Variants in RGPD8 observed in about 807,000 individuals in gnomAD.
The protein encoded by RGPD8 is RANBP2-like and GRIP domain-containing protein 8.
In RGPD8, 15 loss-of-function variants were observed where a neutral mutation model predicts 89.1. The observed-to-expected ratio is 0.17, with a 90% CI of 0.11 to 0.26. The LOEUF (loss-of-function observed/expected upper bound fraction) is 0.26, where lower values mean the gene tolerates loss of function less well. Among genes scored for constraint, RGPD8 ranks in the 10% least tolerant of loss-of-function variants. The pLI is 1.00. For synonymous variants in RGPD8, 62 were observed against 420.9 expected (o/e 0.15, Z 10.44); for missense variants, 178 against 1,179.6 (o/e 0.15, Z 12.44).
At chr2:112,425,954 T>C (rs951081226) in intron 1 of RGPD8, among the ~76,000 whole-genome samples, 2 of 152,078 alleles carry the variant, frequency 1.3e-5, no homozygotes, top group Admixed American at 1.3e-4. Flanking sequence ...ATTTAATGTC[T>C]TGTCCATCTC....
In RGPD8 at chr2:112,433,478, A is replaced by G. The variant is rs748097904; in HGVS notation, c.-25T>C. The G allele has an allele frequency of 1.2e-6, 2 of 1,602,714 alleles. No homozygotes were observed. Among genetic ancestry groups the G allele is most frequent in the Non-Finnish European group, 1.7e-6 (2 of 1,175,782 alleles). The stretch of plus-strand genomic sequence containing the variant: ...TCGCGCCGCCAACCTGGCTCCCGAG[A>G]CGCGTGCGAGCACCGCTCAGCCCCG... On this transcript the variant is annotated 5_prime_UTR_variant, in exon 1 of 23. Transcript: ENST00000302558.
chr2:112,427,273 C>A (rs915324459), intron 1 of RGPD8, among the ~76,000 whole-genome samples: 3 of 151,960 alleles, frequency 2.0e-5, no homozygotes, highest in Non-Finnish European at 2.9e-5. Context: ...GATAATTAAA[C>A]AACTTTACAA....
At chr2:112,402,495 C>CCAGAAAAGAAAAGAAAAGAAAAGAA (rs1553503524) in intron 9 of RGPD8, among the ~76,000 whole-genome samples, 1 of 147,012 alleles carries the variant, frequency 6.8e-6, no homozygotes, top group Non-Finnish European at 1.5e-5. Flanking sequence ...GTCTCAAAAA[C>CCAGAAAAGAAAAGAAAAGAAAAGAA]AAGAAAAGAA....
chr2:112,417,588 GA>G (rs1397322453), intron 5 of RGPD8, 95 bp downstream of exon 5: 1 of 492,122 alleles, frequency 2.0e-6, no homozygotes, highest in Non-Finnish European at 3.3e-6. Context: ...ATAAATAAAA[GA>G]AATTTAAGTC....
At chr2:112,420,130 A>G (rs1464875106) in intron 4 of RGPD8, among the ~76,000 whole-genome samples, 1 of 142,506 alleles carries the variant, frequency 7.0e-6, no homozygotes, top group Non-Finnish European at 1.5e-5. Context: ...AGGTAGCACC[A>G]CTGCACTCCA....
At chr2:112,429,665 C>A (rs1374480296) in intron 1 of RGPD8, among the ~76,000 whole-genome samples, 134 of 151,926 alleles carry the variant, frequency 8.8e-4, no homozygotes, top group Non-Finnish European at 1.5e-3. Context: ...TTCTAAAAAA[C>A]AAATAAATAA....
intron 1 of RGPD8, 66 bp downstream of exon 1, chr2:112,433,316 G>GCCC (rs1426700270): frequency 2.0e-6 from 3 of 1,479,982 alleles, no homozygotes; most frequent in Non-Finnish European, 2.7e-6. Flanking sequence ...GGCCGCCGCC[G>GCCC]GGCCGGGTCG....
chr2:112,424,712 G>A (rs1199447406), intron 1 of RGPD8, among the ~76,000 whole-genome samples: 1 of 151,750 alleles, frequency 6.6e-6, no homozygotes, highest in Non-Finnish European at 1.5e-5. Flanking sequence ...CTCCAGCCTG[G>A]GCGACAGAGA....
At chr2:112,426,880 C>T (rs1471326126) in intron 1 of RGPD8, among the ~76,000 whole-genome samples, 1 of 142,502 alleles carries the variant, frequency 7.0e-6, no homozygotes, top group Non-Finnish European at 1.5e-5. Context: ...GGCTGGAGTG[C>T]GGTGGCTCGA....
chr2:112,431,200 G>T (rs1271475211), intron 1 of RGPD8, among the ~76,000 whole-genome samples: 2 of 152,236 alleles, frequency 1.3e-5, no homozygotes, highest in African/African-American at 2.4e-5. Context: ...GGAAGCTGCA[G>T]TGAGTCGAGA....
At chr2:112,390,775 T>C (rs1678669697) in intron 19 of RGPD8, among the ~76,000 whole-genome samples, 200 bp downstream of exon 19, 1 of 143,876 alleles carries the variant, frequency 7.0e-6, no homozygotes, top group African/African-American at 2.5e-5. Context: ...TTTAAAATAT[T>C]CTAAATATTC....
intron 21 of RGPD8, among the ~76,000 whole-genome samples, 187 bp downstream of exon 21, chr2:112,380,630 GTGACAGA>G: frequency 7.5e-6 from 1 of 133,362 alleles, no homozygotes; most frequent in Non-Finnish European, 1.6e-5. Context: ...TCCAGCCTGG[GTGACAGA>G]GCAAGACTGT....
intron 22 of RGPD8, among the ~76,000 whole-genome samples, chr2:112,377,673 G>A (rs1678160888): frequency 1.0e-5 from 1 of 95,312 alleles, no homozygotes; most frequent in Non-Finnish European, 2.3e-5. Flanking sequence ...TAGGCTATTT[G>A]GGGTTGGAGG....
At chr2:112,380,469 T>C (rs1031117273) in intron 21 of RGPD8, among the ~76,000 whole-genome samples, 9 of 144,534 alleles carry the variant, frequency 6.2e-5, no homozygotes, top group Admixed American at 2.8e-4. Context: ...CTGGCTAACA[T>C]GGTAAACCCT....
intron 1 of RGPD8, among the ~76,000 whole-genome samples, chr2:112,433,154 C>G (rs537847846): frequency 5.3e-5 from 7 of 131,722 alleles, no homozygotes; most frequent in South Asian, 2.4e-4. Flanking sequence ...TCGAGGCCGC[C>G]GCCTCAACAG....
At chr2:112,381,990 T>C (rs1490386020) in intron 20 of RGPD8, among the ~76,000 whole-genome samples, 1 of 152,300 alleles carries the variant, frequency 6.6e-6, no homozygotes, top group African/African-American at 2.4e-5. Flanking sequence ...TTTGAGTCAG[T>C]GGGCTGGGGA....
chr2:112,374,868 T>TTTC (rs1553501053), intron 22 of RGPD8, among the ~76,000 whole-genome samples: 3 of 33,464 alleles, frequency 9.0e-5, no homozygotes, highest in Non-Finnish European at 3.2e-4. Flanking sequence ...CTTTTTTTTT[T>TTTC]TTTTTTTTTT....
In RGPD8 at chr2:112,379,526, C is replaced by T. The variant is rs1238586345; in HGVS notation, c.5062-1272G>A. On this transcript the variant is annotated intron_variant, in intron 21 of 22. Coordinates refer to ENST00000302558, the MANE Select transcript of RGPD8 (RefSeq NM_001164463.1). ...AGGGGAATCGCTTGAACCTGGGAGG[C>T]GGAGATTGCAGTGAGCTGAGATTGC... Among the ~76,000 whole-genome samples, 20 of 148,564 alleles carry T rather than the reference C, an allele frequency of 1.3e-4. No homozygotes were observed. In the South Asian group the frequency reaches 3.5e-3, roughly 26 times the overall value.
Position 112,432,352 on chromosome 2 carries a change from A to T in RGPD8, c.72+1030T>A, listed in dbSNP as rs1473266035. On this transcript the variant is annotated intron_variant, in intron 1 of 22. Coordinates refer to ENST00000302558, the MANE Select transcript of RGPD8 (RefSeq NM_001164463.1). ...TTTAGAATTTTTTTTTTTTAAGCAA[A>T]GGCAGCTACCAAAGTGTTCCGGGCG... Among the ~76,000 whole-genome samples, 4 of 152,106 alleles carry T rather than the reference A, an allele frequency of 2.6e-5. 1 individual carries two copies. The East Asian group carries it at 7.7e-4, about 29-fold the overall frequency.
Sources: gnomAD v4.1 joint callset for allele counts (sites outside exome capture counted in the v4.1 genomes callset) on GRCh38, gnomAD v4.1.1 for gene constraint, MANE v1.5 for transcripts, NCBI Gene and HGNC (gene_info 2026-07-23, HGNC 2026-07-21) for gene names.